Variants in DCDC1 observed in about 807,000 individuals in gnomAD.
DCDC1 encodes the protein doublecortin domain-containing protein 1.
A neutral mutation model predicts 178.3 loss-of-function variants in DCDC1; 200 were observed. That is an observed-to-expected ratio of 1.12 (90% confidence interval 1.00 to 1.26). The LOEUF (loss-of-function observed/expected upper bound fraction) is 1.26, where lower values mean the gene tolerates loss of function less well. Ranked by LOEUF, DCDC1 falls within the 50% of genes most tolerant of loss-of-function variation. DCDC1 has a pLI of 0.00. For synonymous variants in DCDC1, 690 were observed against 604.8 expected (o/e 1.14, Z -2.07); for missense variants, 1,983 against 1,749.2 (o/e 1.13, Z -2.38).
chr11:30,879,673 C>T (rs1452616598), intron 37 of DCDC1, among the ~76,000 whole-genome samples: 1 of 152,120 alleles, frequency 6.6e-6, no homozygotes, highest in Non-Finnish European at 1.5e-5. Context: ...ATCAAAGATA[C>T]ACAGAGCTAA....
chr11:31,019,898 T>C (rs544243611), intron 20 of DCDC1, among the ~76,000 whole-genome samples: 1 of 152,026 alleles, frequency 6.6e-6, no homozygotes, highest in East Asian at 1.9e-4. Context: ...AGTCTGTCTT[T>C]GTATCACCAG....
At chr11:31,139,444 G>T (rs558183623) in intron 9 of DCDC1, among the ~76,000 whole-genome samples, 1 of 152,288 alleles carries the variant, frequency 6.6e-6, no homozygotes, top group African/African-American at 2.4e-5. Flanking sequence ...CAACATATTG[G>T]TCTCAAGCAT....
intron 3 of DCDC1, among the ~76,000 whole-genome samples, chr11:31,325,073 G>C (rs7122895): frequency 0.71 from 107,604 of 152,056 alleles, 39,454 homozygotes; most frequent in African/African-American, 0.9. Flanking sequence ...ACATTCCTTA[G>C]ATGATAATTG....
intron 20 of DCDC1, among the ~76,000 whole-genome samples, chr11:31,061,593 A>G (rs1368785374): frequency 6.6e-6 from 1 of 152,106 alleles, no homozygotes; most frequent in Non-Finnish European, 1.5e-5. Context: ...CCTGGAGCCG[A>G]TCACGTATGG....
chr11:31,293,700 TCAA>T (rs1299660660), intron 6 of DCDC1, among the ~76,000 whole-genome samples: 1 of 152,314 alleles, frequency 6.6e-6, no homozygotes, highest in East Asian at 1.9e-4. Flanking sequence ...TTTATCTCTC[TCAA>T]CAACTTTATG....
At chr11:30,922,278 G>GT (rs762322587) in intron 24 of DCDC1, among the ~76,000 whole-genome samples, 14 of 152,208 alleles carry the variant, frequency 9.2e-5, no homozygotes, top group Non-Finnish European at 1.3e-4. Flanking sequence ...GGTCAGATCT[G>GT]TTAATGACAA....
intron 20 of DCDC1, among the ~76,000 whole-genome samples, chr11:31,007,163 T>G (rs142417303): frequency 4.9e-4 from 75 of 152,220 alleles, no homozygotes; most frequent in Non-Finnish European, 2.6e-4. Context: ...ACATGTACCG[T>G]GTGCATAGGA....
intron 9 of DCDC1, among the ~76,000 whole-genome samples, chr11:31,223,957 G>C (rs146445933): frequency 1.1e-3 from 162 of 152,076 alleles, no homozygotes; most frequent in African/African-American, 3.7e-3. Flanking sequence ...CTAGGGTAGG[G>C]GGAGGTCATT....
At chr11:31,107,799 A>G (rs1201264432) in intron 12 of DCDC1, among the ~76,000 whole-genome samples, 1 of 151,834 alleles carries the variant, frequency 6.6e-6, no homozygotes, top group East Asian at 1.9e-4. Flanking sequence ...ACTCCACCCT[A>G]TCCATCACTC....
At chr11:31,287,244 A>G (rs968191325) in intron 7 of DCDC1, among the ~76,000 whole-genome samples, 1 of 151,974 alleles carries the variant, frequency 6.6e-6, no homozygotes, top group Non-Finnish European at 1.5e-5. Context: ...AACAAACAAA[A>G]AAAAACAAGT....
chr11:31,103,563 A>G, intron 14 of DCDC1, 81 bp downstream of exon 14: 1 of 621,396 alleles, frequency 1.6e-6, no homozygotes. Flanking sequence ...AGTGTTTCGA[A>G]TCTCTTACTC....
In DCDC1 at chr11:30,952,535, T is replaced by C. The variant is rs163870; in HGVS notation, c.2625A>G (p.Pro875=). 8 of 1,554,836 alleles carry C rather than the reference T, an allele frequency of 5.1e-6. No homozygotes were observed. The African/African-American group carries it at 9.4e-5, about 18-fold the overall frequency. ...WAIKHEGTSK[P]GQWKHSRVEN... is the part of the protein sequence containing the mutation. ...CAACTCTAGAATGTTTCCACTGGCCTGGCTTACTGGTTCCTTCATGTTTTA... is the reference window on the plus strand; with the variant it reads ...CAACTCTAGAATGTTTCCACTGGCCCGGCTTACTGGTTCCTTCATGTTTTA... Residue 875 remains proline (P), a synonymous_variant, in exon 21 of 39, where the codon CCA becomes CCG. Coordinates refer to ENST00000684477, the MANE Select transcript of DCDC1 (RefSeq NM_001387274.1).
chr11:31,355,858 C>T (rs564416465), intron 1 of DCDC1, among the ~76,000 whole-genome samples: 80 of 152,260 alleles, frequency 5.3e-4, no homozygotes, highest in Non-Finnish European at 5.4e-4. Context: ...TGGGAGCTAC[C>T]GCACCTGGCT....
At chr11:31,124,485 A>T (rs2135912911) in intron 11 of DCDC1, among the ~76,000 whole-genome samples, 1 of 152,262 alleles carries the variant, frequency 6.6e-6, no homozygotes, top group South Asian at 2.1e-4. Context: ...GACAATCCTA[A>T]TCAAAAAAGA....
intron 8 of DCDC1, among the ~76,000 whole-genome samples, chr11:31,244,133 AAAT>A (rs950652692): frequency 4.0e-5 from 6 of 151,790 alleles, no homozygotes; most frequent in African/African-American, 1.2e-4. Flanking sequence ...TTATACTAAA[AAAT>A]AATAATATTT....
intron 20 of DCDC1, among the ~76,000 whole-genome samples, chr11:30,968,347 A>T (rs1949564301): frequency 6.6e-6 from 1 of 152,126 alleles, no homozygotes; most frequent in South Asian, 2.1e-4. Flanking sequence ...TGAATGAATA[A>T]GTTAACCTGG....
chr11:31,274,704 T>C (rs1216993777), intron 7 of DCDC1, among the ~76,000 whole-genome samples: 6 of 150,954 alleles, frequency 4.0e-5, no homozygotes, highest in Admixed American at 4.0e-4. Context: ...AATGTCTTTT[T>C]TTTTTTTTTT....
intron 20 of DCDC1, among the ~76,000 whole-genome samples, chr11:31,036,113 C>T (rs560461754): frequency 6.6e-6 from 1 of 152,246 alleles, no homozygotes; most frequent in Non-Finnish European, 1.5e-5. Context: ...TGAAGTCGCT[C>T]TACTCTATGG....
intron 20 of DCDC1, among the ~76,000 whole-genome samples, chr11:31,061,375 A>G (rs1955908456): frequency 6.6e-6 from 1 of 152,132 alleles, no homozygotes; most frequent in Non-Finnish European, 1.5e-5. Context: ...TTAGAATTCA[A>G]TGTACACACA....
Sources: gnomAD v4.1 joint callset for allele counts (sites outside exome capture counted in the v4.1 genomes callset) on GRCh38, gnomAD v4.1.1 for gene constraint, MANE v1.5 for transcripts, NCBI Gene and HGNC (gene_info 2026-07-23, HGNC 2026-07-21) for gene names.